Variants in FRMPD4 observed in about 807,000 individuals in gnomAD.
FRMPD4 encodes the protein FERM and PDZ domain containing 4.
Under a neutral mutation model 94.1 loss-of-function variants are expected in FRMPD4, and 22 were observed. The ratio of observed to expected loss-of-function variants is 0.23; its 90% CI spans 0.17 to 0.33. FRMPD4 has a LOEUF of 0.33. Among genes scored for constraint, FRMPD4 ranks in the 10% least tolerant of loss-of-function variants. The pLI is 1.00. For missense variants in FRMPD4, 1,111 were observed against 1,339.9 expected (o/e 0.83, Z 2.67); for synonymous variants, 631 against 548.6 (o/e 1.15, Z -2.10).
At chrX:12,463,423 A>G (rs1426824149) in intron 1 of FRMPD4, among the ~76,000 whole-genome samples, 15 of 111,930 alleles carry the variant, frequency 1.3e-4, no homozygotes, top group Admixed American at 1.3e-3. Flanking sequence ...TGAACCAGAT[A>G]TGTTCCTTTG....
chrX:11,828,976 T>A (rs2053459862), intron 1 of FRMPD4, among the ~76,000 whole-genome samples: 1 of 112,086 alleles, frequency 8.9e-6, no homozygotes, highest in Non-Finnish European at 1.9e-5. Context: ...AGCTGATGTC[T>A]CAGTTGGAAT....
At chrX:12,415,784 T>C (rs2056792595) in intron 1 of FRMPD4, among the ~76,000 whole-genome samples, 1 of 112,318 alleles carries the variant, frequency 8.9e-6, no homozygotes, top group African/African-American at 3.2e-5. Flanking sequence ...TTTGGAAGAA[T>C]GTTGGTGATT....
intron 1 of FRMPD4, among the ~76,000 whole-genome samples, chrX:11,830,281 G>T (rs1027510096): frequency 8.9e-5 from 10 of 111,980 alleles, no homozygotes; most frequent in African/African-American, 3.2e-4. Context: ...TTTAAAGAAA[G>T]AGTTGAAATA....
chrX:12,388,828 TATATATATATATATATATATATAC>T (rs2056434944), intron 1 of FRMPD4, among the ~76,000 whole-genome samples: 1 of 78,035 alleles, frequency 1.3e-5, no homozygotes, highest in African/African-American at 5.5e-5. Context: ...GATATATATA[TATATATATATATATATATATATAC>T]ACACAATGGA....
intron 2 of FRMPD4, among the ~76,000 whole-genome samples, chrX:12,524,546 G>T (rs1049223820): frequency 9.0e-6 from 1 of 111,659 alleles, no homozygotes; most frequent in African/African-American, 3.3e-5. Context: ...TGGAGAGAAG[G>T]AAGAAGAGAA....
chrX:12,097,963 C>G (rs1056093181), intron 3 of FRMPD4, among the ~76,000 whole-genome samples: 1 of 111,868 alleles, frequency 8.9e-6, no homozygotes. Flanking sequence ...GTCTTATGAT[C>G]AATTGTGTTT....
chrX:12,505,757 A>AGAGCAACT (rs1247443506), intron 2 of FRMPD4, among the ~76,000 whole-genome samples: 1 of 77,470 alleles, frequency 1.3e-5, no homozygotes, highest in Non-Finnish European at 2.6e-5. Flanking sequence ...AAAGGGGGGG[A>AGAGCAACT]GAGCAACTGA....
chrX:12,215,186 T>A (rs1222279271), intron 1 of FRMPD4, among the ~76,000 whole-genome samples: 1 of 111,860 alleles, frequency 8.9e-6, no homozygotes, highest in African/African-American at 3.2e-5. Flanking sequence ...CTTTACTTTA[T>A]GATCCAAGGT....
In FRMPD4 at chrX:12,376,086, A is replaced by G. The variant is rs191358088; in HGVS notation, c.42-122594A>G. ...GTGTTCCTCGATGGTAGGGCCGAGC[A>G]TGGCCCATGGGAGGCACTCTGGAAA... On this transcript the variant is annotated intron_variant, in intron 1 of 16. Transcript: ENST00000675598. Among the ~76,000 whole-genome samples, 664 of 112,273 alleles carry G rather than the reference A, an allele frequency of 5.9e-3. 5 individuals are homozygous for G. Among genetic ancestry groups the G allele is most frequent in the Middle Eastern group, 0.032 (7 of 219 alleles).
At chrX:12,706,658 G>A (rs915378620) in intron 11 of FRMPD4, among the ~76,000 whole-genome samples, 168 bp from the exon 12 acceptor site, 4 of 111,637 alleles carry the variant, frequency 3.6e-5, no homozygotes, top group African/African-American at 1.3e-4. Flanking sequence ...CCTTCATCAG[G>A]AAACCAAATA....
chrX:12,180,083 T>G (rs1200890751), intron 1 of FRMPD4, among the ~76,000 whole-genome samples: 3 of 111,224 alleles, frequency 2.7e-5, no homozygotes, highest in South Asian at 3.8e-4. Context: ...AAGAAAATAT[T>G]GCTTAGAGAG....
chrX:11,995,708 C>T (rs1481041745), intron 3 of FRMPD4, among the ~76,000 whole-genome samples: 2 of 111,796 alleles, frequency 1.8e-5, no homozygotes, highest in Admixed American at 9.5e-5. Context: ...CCTTCTTGGT[C>T]ATTCAAAGGC....
intron 1 of FRMPD4, among the ~76,000 whole-genome samples, chrX:12,454,317 GA>G (rs1477634794): frequency 9.0e-6 from 1 of 111,722 alleles, no homozygotes; most frequent in Non-Finnish European, 1.9e-5. Context: ...ATATTTTTAA[GA>G]GAAGGTACTT....
At chrX:12,653,599 T>TAATC (rs758574715) in intron 4 of FRMPD4, among the ~76,000 whole-genome samples, 194 of 111,250 alleles carry the variant, frequency 1.7e-3, no homozygotes, top group African/African-American at 5.2e-3. Context: ...TGAAAACCGC[T>TAATC]AATCAATCAA....
intron 8 of FRMPD4, among the ~76,000 whole-genome samples, chrX:12,694,095 G>A (rs2060104428): frequency 9.0e-6 from 1 of 111,619 alleles, no homozygotes; most frequent in Non-Finnish European, 1.9e-5. Flanking sequence ...AGCCTCCCCT[G>A]GGAGCACTTT....
chrX:12,720,801 C>G lies in FRMPD4; in HGVS notation c.4232C>G (p.Ser1411Cys). The change falls in exon 17 of 17, where the codon TCT (serine) becomes TGT (cysteine). Residue 1411 changes from serine (S) to cysteine (C), a missense_variant. By Grantham distance (112) the Ser-to-Cys change is moderately radical. This residue lies in a region of FRMPD4 where 551 missense variants were observed against 591.6 expected (regional missense o/e 0.93). Transcript: ENST00000675598. Reference protein sequence around the residue: ...LRHSSSILSGSVDLETFRERT... With the variant: ...LRHSSSILSGCVDLETFRERT... ...CATAGCAGCAGTATCCTCTCCGGAT[C>G]TGTCGATTTGGAGACCTTCCGAGAG... 2 of 987,413 alleles carry G rather than the reference C, an allele frequency of 2.0e-6. No individual in the cohort carries two copies. Among genetic ancestry groups the G allele is most frequent in the Non-Finnish European group, 2.6e-6 (2 of 783,934 alleles). The allele number at this position is 987,413 out of a possible 1,213,427, so 81.4% of individuals were successfully genotyped here.
chrX:12,353,819 T>G (rs986979563), intron 1 of FRMPD4, among the ~76,000 whole-genome samples: 6 of 112,036 alleles, frequency 5.4e-5, no homozygotes, highest in Non-Finnish European at 1.1e-4. Flanking sequence ...CAATTAGTTG[T>G]GAAGTGTGTT....
At chrX:12,701,192 C>T (rs2060187434) in intron 9 of FRMPD4, among the ~76,000 whole-genome samples, 1 of 107,107 alleles carries the variant, frequency 9.3e-6, no homozygotes, top group Non-Finnish European at 1.9e-5. Flanking sequence ...CCTGCTTCAG[C>T]CTCCCTAGTA....
At chrX:12,066,462 A>G (rs1246802048) in intron 3 of FRMPD4, among the ~76,000 whole-genome samples, 1 of 112,209 alleles carries the variant, frequency 8.9e-6, no homozygotes, top group Non-Finnish European at 1.9e-5. Context: ...AAAGGGATCA[A>G]TTAAACAAAT....
Sources: allele counts gnomAD v4.1 joint callset (sites outside exome capture counted in the v4.1 genomes callset), GRCh38; gene constraint gnomAD v4.1.1; regional missense constraint gnomAD v4.1.1; transcripts MANE v1.5; gene names NCBI Gene and HGNC (gene_info 2026-07-23, HGNC 2026-07-21).